HMGXB4: variants seen among roughly 807,000 people sequenced by gnomAD.
HMGXB4 encodes HMG-box containing 4, also known as HMG domain-containing protein 4.
HMGXB4 carries 27 observed loss-of-function variants against 63.9 expected under a neutral mutation model. The ratio of observed to expected loss-of-function variants is 0.42; its 90% CI spans 0.31 to 0.58. The LOEUF (loss-of-function observed/expected upper bound fraction) is 0.58, where lower values mean the gene tolerates loss of function less well. Among genes scored for constraint, HMGXB4 ranks in the 20% least tolerant of loss-of-function variants. The pLI, the probability that HMGXB4 is intolerant of heterozygous loss-of-function variation, is 0.13. For synonymous variants in HMGXB4, 264 were observed against 265.3 expected (o/e 0.99, Z 0.05); for missense variants, 624 against 700.7 (o/e 0.89, Z 1.24).
the HMGXB4 span, among the ~76,000 whole-genome samples, chr22:35,249,121 C>T: frequency 5.9e-5 from 9 of 152,062 alleles, no homozygotes; most frequent in African/African-American, 1.9e-4. Context: ...TGCAGTGGCA[C>T]GATCTTGGCT....
the HMGXB4 span, among the ~76,000 whole-genome samples, chr22:35,244,798 G>A: frequency 0.019 from 2,840 of 152,224 alleles, 87 homozygotes; most frequent in African/African-American, 0.064. Flanking sequence ...GGGTAAACAC[G>A]TCAGGCATCA....
At chr22:35,274,955 C>T (rs549192138) in intron 5 of HMGXB4, among the ~76,000 whole-genome samples, 49 of 152,160 alleles carry the variant, frequency 3.2e-4, no homozygotes, top group East Asian at 9.6e-4. Flanking sequence ...CCTGCCACTC[C>T]GTGGAGCTGT....
At chr22:35,258,389 A>G (rs950968077) in intron 1 of HMGXB4, 1 of 152,184 alleles carries the variant, frequency 6.6e-6, no homozygotes, top group Non-Finnish European at 1.5e-5. Context: ...TAATAGAACA[A>G]AGTAAAAAAC....
upstream of HMGXB4, among the ~76,000 whole-genome samples, chr22:35,254,124 C>T (rs1432236496): frequency 6.6e-6 from 1 of 152,200 alleles, no homozygotes; most frequent in Non-Finnish European, 1.5e-5. Context: ...AAACCAAGCA[C>T]AATTTGACAG....
intron 5 of HMGXB4, among the ~76,000 whole-genome samples, chr22:35,269,941 G>A (rs187179044): frequency 6.6e-4 from 100 of 152,150 alleles, no homozygotes; most frequent in Non-Finnish European, 1.3e-3. Flanking sequence ...TTGTGCCACT[G>A]CACTCTAACC....
the HMGXB4 span, among the ~76,000 whole-genome samples, chr22:35,245,680 C>A: frequency 6.6e-6 from 1 of 152,150 alleles, no homozygotes; most frequent in Non-Finnish European, 1.5e-5. Context: ...AGTTTAGTTA[C>A]CTTTTTCTGA....
intron 5 of HMGXB4, among the ~76,000 whole-genome samples, chr22:35,271,727 T>C (rs185293697): frequency 2.6e-5 from 4 of 152,354 alleles, no homozygotes; most frequent in African/African-American, 9.6e-5. Context: ...GCTTGATATT[T>C]TAAATACATT....
intron 4 of HMGXB4, chr22:35,264,234 G>C (rs1255672777): frequency 2.0e-6 from 1 of 492,386 alleles, no homozygotes; most frequent in African/African-American, 1.9e-5. Flanking sequence ...CACAGAACCA[G>C]TTTTCTTAGC....
chr22:35,264,711 C>T lies in HMGXB4; in HGVS notation c.323C>T (p.Thr108Ile). The change falls in exon 5 of 11, where the codon ACA becomes ATA. Residue 108 changes from threonine (T) to isoleucine (I), a missense_variant. Physicochemically the swap from Thr to Ile is moderately conservative, Grantham distance 89. Transcript: ENST00000216106. ...AAGTCCAGCCCACAGTCTACTGATA[C>T]AGCTATGGACCTGTTGAAAGCTATC... is the stretch of plus-strand genomic sequence containing the variant. ...KKKSSPQSTDTAMDLLKAITS... is the reference protein window; with the variant it reads ...KKKSSPQSTDIAMDLLKAITS... 1.2e-6 allele frequency: 2 copies of T among 1,610,074 alleles called. No homozygotes were observed. Among genetic ancestry groups the T allele is most frequent in the Non-Finnish European group, 1.7e-6 (2 of 1,178,464 alleles).
At chr22:35,275,861 G>T (rs1923885704) in intron 5 of HMGXB4, among the ~76,000 whole-genome samples, 1 of 152,152 alleles carries the variant, frequency 6.6e-6, no homozygotes, top group African/African-American at 2.4e-5. Flanking sequence ...TGGACTTGTT[G>T]CAAGTAATTT....
At chr22:35,259,751 C>A (rs1418407356) in intron 1 of HMGXB4, among the ~76,000 whole-genome samples, 1 of 152,224 alleles carries the variant, frequency 6.6e-6, no homozygotes, top group East Asian at 1.9e-4. Context: ...CTCTTGGCTG[C>A]CCCAGTTCTT....
chr22:35,259,217 T>C (rs1294710347), intron 1 of HMGXB4, among the ~76,000 whole-genome samples: 2 of 152,230 alleles, frequency 1.3e-5, no homozygotes, highest in Non-Finnish European at 1.5e-5. Flanking sequence ...ATTTTTATGG[T>C]ACCAGTTTTT....
chr22:35,248,607 G>A, the HMGXB4 span, among the ~76,000 whole-genome samples: 10 of 151,992 alleles, frequency 6.6e-5, no homozygotes, highest in South Asian at 8.3e-4. Context: ...GTTTCACCAC[G>A]TTGCCCAGGC....
At chr22:35,291,255 G>C (rs893915712) in intron 9 of HMGXB4, among the ~76,000 whole-genome samples, 1 of 152,154 alleles carries the variant, frequency 6.6e-6, no homozygotes, top group African/African-American at 2.4e-5. Flanking sequence ...AACAGAGTGA[G>C]ACCCTGTCTC....
At chr22:35,272,890 C>T (rs1390303606) in intron 5 of HMGXB4, among the ~76,000 whole-genome samples, 5 of 152,186 alleles carry the variant, frequency 3.3e-5, no homozygotes, top group Admixed American at 6.5e-5. Context: ...GCCAAGATCA[C>T]GCCACTGCCC....
chr22:35,285,918 AGTT>A, intron 6 of HMGXB4, 76 bp from the exon 7 acceptor site: 1 of 1,049,050 alleles, frequency 9.5e-7, no homozygotes, highest in Non-Finnish European at 1.4e-6. Flanking sequence ...ACCCTTTTCC[AGTT>A]TTTGCTTTCA....
At chr22:35,243,912 G>A in the HMGXB4 span, among the ~76,000 whole-genome samples, 3 of 152,130 alleles carry the variant, frequency 2.0e-5, no homozygotes, top group Non-Finnish European at 2.9e-5. Flanking sequence ...GATTTCTGAT[G>A]AGAAATTTTT....
At chr22:35,282,565 A>C (rs746061657) in intron 5 of HMGXB4, among the ~76,000 whole-genome samples, 4 of 152,230 alleles carry the variant, frequency 2.6e-5, no homozygotes, top group Non-Finnish European at 5.9e-5. Context: ...GAGGAAAGCC[A>C]TACTGAAAAT....
At chr22:35,278,263 C>T (rs1924027019) in intron 5 of HMGXB4, among the ~76,000 whole-genome samples, 1 of 152,148 alleles carries the variant, frequency 6.6e-6, no homozygotes, top group Non-Finnish European at 1.5e-5. Flanking sequence ...GATTGTAAGA[C>T]GTCTTGGTTG....
Sources: allele counts gnomAD v4.1 joint callset (sites outside exome capture counted in the v4.1 genomes callset), GRCh38; gene constraint gnomAD v4.1.1; transcripts MANE v1.5; gene names NCBI Gene and HGNC (gene_info 2026-07-23, HGNC 2026-07-21).